The following CDYL2 variants were observed in gnomAD, a reference collection of about 807,000 sequenced individuals.
CDYL2 encodes chromodomain Y like 2.
A neutral mutation model predicts 49.4 loss-of-function variants in CDYL2; 23 were observed. The observed-to-expected ratio is 0.47, with a 90% CI of 0.34 to 0.66. The LOEUF is 0.66. Among genes scored for constraint, CDYL2 ranks in the 30% least tolerant of loss-of-function variants. The pLI is 0.01. For missense variants in CDYL2, 678 were observed against 656.4 expected (o/e 1.03, Z -0.36); for synonymous variants, 360 against 268.8 (o/e 1.34, Z -3.32).
At chr16:80,691,158 C>T (rs1376278651) in intron 1 of CDYL2, among the ~76,000 whole-genome samples, 1 of 152,214 alleles carries the variant, frequency 6.6e-6, no homozygotes, top group African/African-American at 2.4e-5. Context: ...CATTCCCTAA[C>T]TCTGTACCTC....
intron 3 of CDYL2, among the ~76,000 whole-genome samples, chr16:80,623,833 G>C (rs1413292056): frequency 2.0e-5 from 3 of 152,116 alleles, no homozygotes; most frequent in African/African-American, 7.2e-5. Context: ...AAAGCATCAG[G>C]GCTTTTCATC....
chr16:80,728,835 C>T (rs1298146760), intron 1 of CDYL2, among the ~76,000 whole-genome samples: 1 of 151,500 alleles, frequency 6.6e-6, no homozygotes, highest in Non-Finnish European at 1.5e-5. Context: ...CCCAGAATTT[C>T]ATATCCAGCC....
At chr16:80,727,634 C>T (rs944179177) in intron 1 of CDYL2, among the ~76,000 whole-genome samples, 15 of 152,224 alleles carry the variant, frequency 9.9e-5, no homozygotes, top group African/African-American at 3.6e-4. Flanking sequence ...TAGGCTCCAC[C>T]TCTGGGGGCA....
chr16:80,768,508 C>A (rs767059661), intron 1 of CDYL2, among the ~76,000 whole-genome samples: 2 of 152,204 alleles, frequency 1.3e-5, no homozygotes, highest in Non-Finnish European at 2.9e-5. Context: ...GATTCAGGGT[C>A]TGGTGAGGGC....
chr16:80,688,414 T>C (rs570922455), intron 1 of CDYL2, among the ~76,000 whole-genome samples: 4 of 150,118 alleles, frequency 2.7e-5, no homozygotes, highest in African/African-American at 7.6e-5. Context: ...GTAAAATATA[T>C]AATAATAAAG....
chr16:80,705,521 C>G (rs13380675), intron 1 of CDYL2, among the ~76,000 whole-genome samples: 1 of 152,196 alleles, frequency 6.6e-6, no homozygotes, highest in Non-Finnish European at 1.5e-5. Flanking sequence ...ACTGAGGGAA[C>G]GCAGGCAGGT....
intron 1 of CDYL2, among the ~76,000 whole-genome samples, chr16:80,709,197 C>A (rs1382897144): frequency 6.6e-6 from 1 of 152,142 alleles, no homozygotes; most frequent in Non-Finnish European, 1.5e-5. Flanking sequence ...CCCTGGCCAA[C>A]ATGGCGAAAC....
intron 4 of CDYL2, among the ~76,000 whole-genome samples, chr16:80,618,396 A>C (rs9924554): frequency 1.3e-5 from 2 of 152,126 alleles, no homozygotes; most frequent in Admixed American, 1.3e-4. Context: ...GCAGACCCCA[A>C]TGGGTAGAGG....
intron 1 of CDYL2, among the ~76,000 whole-genome samples, chr16:80,797,872 C>T (rs1247424487): frequency 6.6e-6 from 1 of 152,168 alleles, no homozygotes; most frequent in African/African-American, 2.4e-5. Flanking sequence ...TTCTATTCTT[C>T]CTCTAATCTA....
chr16:80,796,595 T>C (rs997040398), intron 1 of CDYL2, among the ~76,000 whole-genome samples: 7 of 152,240 alleles, frequency 4.6e-5, no homozygotes, highest in Non-Finnish European at 1.0e-4. Flanking sequence ...GCAGGGCTTA[T>C]GGAAAATCAC....
intron 2 of CDYL2, among the ~76,000 whole-genome samples, chr16:80,644,960 C>G (rs1334023106): frequency 6.6e-6 from 1 of 152,094 alleles, no homozygotes; most frequent in South Asian, 2.1e-4. Context: ...AACTGGATCC[C>G]TTCCTTACAC....
At chr16:80,710,001 C>G (rs8050234) in intron 1 of CDYL2, among the ~76,000 whole-genome samples, 24,501 of 151,280 alleles carry the variant, frequency 0.16, 3,770 homozygotes, top group African/African-American at 0.39. Context: ...TATCTCGGCT[C>G]ACTGCAACCT....
At chr16:80,736,778 A>G (rs551112839) in intron 1 of CDYL2, among the ~76,000 whole-genome samples, 2 of 152,100 alleles carry the variant, frequency 1.3e-5, no homozygotes, top group Non-Finnish European at 2.9e-5. Context: ...ATTTTTAATG[A>G]TCTATCAACT....
At chr16:80,781,407 T>C (rs989478349) in intron 1 of CDYL2, among the ~76,000 whole-genome samples, 3 of 151,760 alleles carry the variant, frequency 2.0e-5, no homozygotes, top group African/African-American at 7.3e-5. Context: ...ACTGACAAAA[T>C]AGGAGGGAGA....
chr16:80,644,538 C>T (rs765232291), intron 2 of CDYL2, among the ~76,000 whole-genome samples: 93 of 152,190 alleles, frequency 6.1e-4, no homozygotes, highest in Admixed American at 1.6e-3. Context: ...TTGGACTTAA[C>T]AGTTCCACAT....
At chr16:80,684,182 A>G (rs1335774757) in intron 2 of CDYL2, among the ~76,000 whole-genome samples, 1 of 152,166 alleles carries the variant, frequency 6.6e-6, no homozygotes, top group Admixed American at 6.5e-5. Flanking sequence ...TGGCCCGCTG[A>G]GGACACGTGT....
Position 80,604,359 on chromosome 16 carries a change from G to A in CDYL2, c.*29C>T. ...GTTTCCGAAACACAGGGCAGAGCTGGAAGTTGGGGGCCCGTGAGCTGGGGC... is the reference window on the plus strand; with the variant it reads ...GTTTCCGAAACACAGGGCAGAGCTGAAAGTTGGGGGCCCGTGAGCTGGGGC... On this transcript the variant is annotated 3_prime_UTR_variant, in exon 7 of 7. Transcript: ENST00000570137. The A allele has an allele frequency of 6.2e-7, 1 of 1,613,276 alleles. No homozygotes were observed. The highest frequency in any genetic ancestry group is 8.5e-7 in the Non-Finnish European group (1 of 1,179,728).
At chr16:80,696,857 C>T (rs1910632461) in intron 1 of CDYL2, among the ~76,000 whole-genome samples, 1 of 152,114 alleles carries the variant, frequency 6.6e-6, no homozygotes, top group Non-Finnish European at 1.5e-5. Context: ...AGGGCCCAGG[C>T]ATGGTGTCAT....
chr16:80,616,337 C>T (rs1378085934), intron 4 of CDYL2, among the ~76,000 whole-genome samples: 1 of 152,102 alleles, frequency 6.6e-6, no homozygotes, highest in African/African-American at 2.4e-5. Context: ...GCAGGGAGCA[C>T]GCGATCCCTG....
Sources: gnomAD v4.1 joint callset for allele counts (sites outside exome capture counted in the v4.1 genomes callset) on GRCh38, gnomAD v4.1.1 for gene constraint, MANE v1.5 for transcripts, NCBI Gene and HGNC (gene_info 2026-07-23, HGNC 2026-07-21) for gene names.